STK32C: variants seen among roughly 807,000 people sequenced by gnomAD.
STK32C encodes serine/threonine-protein kinase 32C.
Under a neutral mutation model 56.5 loss-of-function variants are expected in STK32C, and 31 were observed. The ratio of observed to expected loss-of-function variants is 0.55; its 90% CI spans 0.41 to 0.74. STK32C has a LOEUF of 0.74. STK32C is among the 30% of genes least tolerant of loss of function. STK32C has a pLI of 0.00. For missense variants in STK32C, 544 were observed against 676.9 expected (o/e 0.80, Z 2.18); for synonymous variants, 309 against 289.4 (o/e 1.07, Z -0.69).
intron 2 of STK32C, among the ~76,000 whole-genome samples, chr10:132,235,612 C>T (rs2063259341): frequency 6.6e-6 from 1 of 151,648 alleles, no homozygotes; most frequent in African/African-American, 2.4e-5. Context: ...GGGACAGTGT[C>T]GGGGCCTCCA....
In STK32C at chr10:132,208,058, G is replaced by A. The variant is rs764127886; in HGVS notation, c.1413C>T (p.Ser471=). 2.1e-5 allele frequency: 27 copies of A among 1,310,546 alleles called. 1 individual carries two copies. The highest frequency in any genetic ancestry group is 4.4e-4 in the Middle Eastern group (2 of 4,586). 81.2% of individuals were successfully genotyped at this position (1,310,546 alleles called of 1,614,324 possible). A position where few individuals can be genotyped will look rare whatever the true frequency, so the allele number is the denominator to read the frequency against. ...AEPVEDEAER[S]ALPMCGPICP... Reference sequence around the variant, plus strand: ...AAATGGGGCCGCACATGGGCAGGGCGGAGCGTTCCGCCTCGTCCTCCACAG... The same window carrying A: ...AAATGGGGCCGCACATGGGCAGGGCAGAGCGTTCCGCCTCGTCCTCCACAG... Residue 471 remains serine, a synonymous_variant, in exon 12 of 12, where the codon TCC becomes TCT. Transcript: ENST00000298630.
chr10:132,217,945 G>A (rs1414880654), intron 10 of STK32C, among the ~76,000 whole-genome samples: 1 of 152,098 alleles, frequency 6.6e-6, no homozygotes, highest in Non-Finnish European at 1.5e-5. Flanking sequence ...TCACCTTGTT[G>A]CCCAGGCTGG....
At chr10:132,269,545 C>T (rs1168090160) in intron 1 of STK32C, among the ~76,000 whole-genome samples, 4 of 152,234 alleles carry the variant, frequency 2.6e-5, no homozygotes, top group Non-Finnish European at 2.9e-5. Flanking sequence ...TAAGAGCCAG[C>T]GCCTCTGGGC....
intron 1 of STK32C, among the ~76,000 whole-genome samples, chr10:132,316,227 T>C (rs559766763): frequency 6.6e-6 from 1 of 152,230 alleles, no homozygotes; most frequent in African/African-American, 2.4e-5. Context: ...AAAAATAAAT[T>C]ACATACCTTA....
At chr10:132,269,782 C>T (rs1482974142) in intron 1 of STK32C, among the ~76,000 whole-genome samples, 4 of 152,228 alleles carry the variant, frequency 2.6e-5, no homozygotes, top group Non-Finnish European at 5.9e-5. Flanking sequence ...TGTGGGAGCG[C>T]TGACTCCAGC....
intron 10 of STK32C, among the ~76,000 whole-genome samples, chr10:132,211,106 C>T (rs182414790): frequency 2.0e-5 from 3 of 152,188 alleles, no homozygotes; most frequent in Non-Finnish European, 2.9e-5. Flanking sequence ...AAAGGAGTCA[C>T]GATCCTGGCA....
chr10:132,273,918 C>T (rs1168771384), intron 1 of STK32C, among the ~76,000 whole-genome samples: 1 of 152,208 alleles, frequency 6.6e-6, no homozygotes, highest in Non-Finnish European at 1.5e-5. Flanking sequence ...GTGCTGACCC[C>T]AGCCCCATAC....
At chr10:132,329,051 A>G (rs1292764968) in intron 1 of STK32C, among the ~76,000 whole-genome samples, 1 of 152,252 alleles carries the variant, frequency 6.6e-6, no homozygotes, top group Non-Finnish European at 1.5e-5. Flanking sequence ...AGTATCAGCC[A>G]TCAACTGGTA....
intron 1 of STK32C, among the ~76,000 whole-genome samples, chr10:132,298,157 C>T (rs1231908889): frequency 3.3e-5 from 5 of 152,332 alleles, no homozygotes; most frequent in East Asian, 1.9e-4. Flanking sequence ...CCAAACAGCC[C>T]GGCCGACCCG....
chr10:132,222,494 C>G, intron 10 of STK32C, 147 bp downstream of exon 10: 1 of 1,058,534 alleles, frequency 9.4e-7, no homozygotes, highest in South Asian at 1.6e-5. Flanking sequence ...GAAGGGAGGT[C>G]TCTGGCCTTC....
chr10:132,290,831 G>T (rs1177554166), intron 1 of STK32C, among the ~76,000 whole-genome samples: 1 of 151,596 alleles, frequency 6.6e-6, no homozygotes, highest in Non-Finnish European at 1.5e-5. Flanking sequence ...ATGCTCGAGG[G>T]CACCCAACCA....
chr10:132,291,294 C>T (rs1172557982), intron 1 of STK32C, among the ~76,000 whole-genome samples: 2 of 152,232 alleles, frequency 1.3e-5, no homozygotes, highest in Non-Finnish European at 2.9e-5. Context: ...ACAGGCCACA[C>T]AGGTCCACAG....
chr10:132,263,191 G>A (rs1293965019), intron 1 of STK32C, among the ~76,000 whole-genome samples: 3 of 152,182 alleles, frequency 2.0e-5, no homozygotes, highest in Non-Finnish European at 4.4e-5. Flanking sequence ...AATCAACCCA[G>A]GTGCCCATCC....
Position 132,225,014 on chromosome 10 carries a change from CAG to C in STK32C, c.876+217_876+218del, listed in dbSNP as rs549324553. ...CCCACAGAGGCTGGCCTGCAGGCAC[CAG>C]CAGCGGCCCCGGGAAACCACAGTGA... is the stretch of plus-strand genomic sequence containing the variant. On this transcript the variant is annotated intron_variant, in intron 7 of 11. Coordinates refer to ENST00000298630, the MANE Select transcript of STK32C (RefSeq NM_173575.4). 6.8e-4 allele frequency among the ~76,000 whole-genome samples: 103 copies of C among 152,384 alleles called. 1 individual carries two copies. The highest frequency in any genetic ancestry group is 6.8e-3 in the Middle Eastern group (2 of 294).
upstream of STK32C, among the ~76,000 whole-genome samples, chr10:132,311,197 A>T (rs2066213548): frequency 2.0e-5 from 3 of 152,180 alleles, no homozygotes; most frequent in Admixed American, 1.3e-4. The surrounding 1 kb of genome is among the most constrained non-coding windows in gnomAD (Gnocchi z 4.4). Flanking sequence ...TGTCATCATT[A>T]TGAAATTAAC....
chr10:132,209,137 G>A lies in STK32C; in HGVS notation c.1252-36C>T, dbSNP rs767817739. On this transcript the variant is annotated intron_variant, in intron 10 of 11. Transcript: ENST00000298630. ...AAAGGCACACGTGAGCGTGGGGGAC[G>A]CTGTCCAGGTTCCGCCCATGTCCCC... The A allele has an allele frequency of 3.4e-5, 54 of 1,592,180 alleles. No homozygotes were observed. The Admixed American group carries it at 5.8e-4, about 17-fold the overall frequency.
intron 1 of STK32C, among the ~76,000 whole-genome samples, chr10:132,278,109 C>T (rs908018093): frequency 1.6e-4 from 24 of 152,296 alleles, no homozygotes; most frequent in African/African-American, 5.1e-4. Context: ...ATTGCTCACA[C>T]CCCTCTCTGC....
At chr10:132,221,809 C>T (rs2062672688) in intron 10 of STK32C, among the ~76,000 whole-genome samples, 2 of 137,698 alleles carry the variant, frequency 1.5e-5, no homozygotes, top group African/African-American at 5.6e-5. Flanking sequence ...GCCATCCCTG[C>T]ACACACTCAC....
At chr10:132,298,116 C>T (rs2065808857) in intron 1 of STK32C, among the ~76,000 whole-genome samples, 2 of 152,214 alleles carry the variant, frequency 1.3e-5, no homozygotes, top group Admixed American at 6.5e-5. Flanking sequence ...TCCAACTCGT[C>T]CCTGCTCTCC....
Sources: allele counts gnomAD v4.1 joint callset (sites outside exome capture counted in the v4.1 genomes callset), GRCh38; gene constraint gnomAD v4.1.1; non-coding constraint Gnocchi (gnomAD v3.1); transcripts MANE v1.5; gene names NCBI Gene and HGNC (gene_info 2026-07-23, HGNC 2026-07-21).